Variants in PLCH1 observed in about 807,000 individuals in gnomAD.
The protein encoded by PLCH1 is 1-phosphatidylinositol 4,5-bisphosphate phosphodiesterase eta-1.
PLCH1 carries 60 observed loss-of-function variants against 126.7 expected under a neutral mutation model. That is an observed-to-expected ratio of 0.47 (90% CI 0.38 to 0.59). PLCH1 has a LOEUF of 0.59. PLCH1 is among the 20% of genes least tolerant of loss of function. The pLI is 0.00. For missense variants in PLCH1, 1,723 were observed against 2,040.0 expected, an observed-to-expected ratio of 0.84 and a Z score of 2.99; for synonymous variants, 719 against 734.9, an observed-to-expected ratio of 0.98 and a Z score of 0.35.
chr3:155,670,317 C>CTTG (rs1743279043), intron 2 of PLCH1, among the ~76,000 whole-genome samples: 1 of 151,842 alleles, frequency 6.6e-6, no homozygotes, highest in African/African-American at 2.4e-5. Context: ...GCCTCAGAGC[C>CTTG]CTGCTTGTAT....
rs1727935132 is a variant in PLCH1 at position 155,563,711 on chromosome 3, T to C, written c.1069+1204A>G. 2.0e-5 allele frequency among the ~76,000 whole-genome samples: 3 copies of C among 152,024 alleles called. No homozygotes were observed. In the South Asian group the frequency reaches 6.2e-4, roughly 32 times the overall value. ...TCTTTCTCAACTGCAAATCTGATCATATCACTATAGATATTAAAACCTTTC... is the reference window on the plus strand; with the variant it reads ...TCTTTCTCAACTGCAAATCTGATCACATCACTATAGATATTAAAACCTTTC... On this transcript the variant is annotated intron_variant, in intron 8 of 22. Coordinates refer to ENST00000460012, the MANE Select transcript of PLCH1 (RefSeq NM_014996.4).
intron 2 of PLCH1, among the ~76,000 whole-genome samples, chr3:155,662,866 G>A (rs1742329086): frequency 6.6e-6 from 1 of 152,158 alleles, no homozygotes; most frequent in Admixed American, 6.5e-5. Context: ...GTTTCGCCAT[G>A]TTGGCCAGGC....
At chr3:155,530,329 CTTT>C (rs764111486) in intron 10 of PLCH1, among the ~76,000 whole-genome samples, 1 of 142,800 alleles carries the variant, frequency 7.0e-6, no homozygotes, top group Non-Finnish European at 1.5e-5. Context: ...GGCTCCACTT[CTTT>C]TTTTTTTTTT....
intron 21 of PLCH1, among the ~76,000 whole-genome samples, chr3:155,471,878 A>G (rs955710457): frequency 9.9e-5 from 15 of 152,152 alleles, no homozygotes; most frequent in African/African-American, 3.4e-4. Flanking sequence ...TTTGAAACCA[A>G]CGAGAACAAA....
chr3:155,480,155 T>G lies in PLCH1; in HGVS notation c.*813A>C, dbSNP rs912904502. ...TTTTCAATTTGTGCTACTATTATCA[T>G]TAGAGTCTGATGGAAGTCCCTCATT... On this transcript the variant is annotated 3_prime_UTR_variant, in exon 23 of 23. Coordinates refer to ENST00000460012, the MANE Select transcript of PLCH1 (RefSeq NM_014996.4). 2 of 152,636 alleles carry G rather than the reference T, an allele frequency of 1.3e-5. No homozygotes were observed. The allele number at this position is 152,636 out of a possible 1,614,324, so 9.5% of individuals were successfully genotyped here. A position where few individuals can be genotyped will look rare whatever the true frequency, so the allele number is the denominator to read the frequency against.
At chr3:155,502,600 A>T (rs1382253910) in intron 13 of PLCH1, among the ~76,000 whole-genome samples, 2 of 152,218 alleles carry the variant, frequency 1.3e-5, no homozygotes, top group Non-Finnish European at 2.9e-5. Context: ...AAAATGCAAA[A>T]ATTAGAAATA....
rs183563146 is a variant in PLCH1 at position 155,523,891 on chromosome 3, A to G, written c.1470+6T>C. On this transcript the variant is annotated splice_donor_region_variant and intron_variant, in intron 11 of 22. Transcript: ENST00000460012. The stretch of plus-strand genomic sequence containing the variant: ...GATAAAAAATATGGTCATGCCTGCA[A>G]CTTACATAATGGAGCTTGAATTTGC... The G allele has an allele frequency of 5.0e-4, 757 of 1,523,562 alleles. 3 individuals are homozygous for G. In the African/African-American group the frequency reaches 9.4e-3, roughly 19 times the overall value. The allele number at this position is 1,523,562 out of a possible 1,614,324, so 94.4% of individuals were successfully genotyped here.
At position 155,616,732 on chromosome 3, in the gene PLCH1, G is replaced by T. The variant is rs531950007; in HGVS notation, c.80-20354C>A. ...CCTCAAACTGTCTTTATTGGGTCTT[G>T]TTATTTGGAAAGCTGTCTCCTCTCT... On this transcript the variant is annotated intron_variant, in intron 2 of 22. Transcript: ENST00000460012. Among the ~76,000 whole-genome samples the T allele has an allele frequency of 4.6e-5, 7 of 152,200 alleles. No homozygotes were observed. In the South Asian group the frequency reaches 1.5e-3, roughly 32 times the overall value.
In PLCH1 at chr3:155,482,448, C is replaced by A; in HGVS notation, c.3578G>T (p.Gly1193Val). The change falls in exon 23 of 23, where the codon GGC (glycine) becomes GTC (valine). Residue 1193 changes from glycine to valine, a missense_variant. Physicochemically the swap from Gly to Val is moderately radical, Grantham distance 109. Coordinates refer to ENST00000460012, the MANE Select transcript of PLCH1 (RefSeq NM_014996.4). ...CTGATTGTTGGTCTCATCAAACTGG[C>A]CAATCAGGGCTGAGATGGAACTGCC... Reference protein sequence around the residue: ...EPGSSISALIGQFDETNNQAL... With the variant: ...EPGSSISALIVQFDETNNQAL... The A allele has an allele frequency of 6.2e-7, 1 of 1,614,124 alleles. No homozygotes were observed. The highest frequency in any genetic ancestry group is 8.5e-7 in the Non-Finnish European group (1 of 1,180,020).
chr3:155,668,680 G>A (rs1322187054), intron 2 of PLCH1, among the ~76,000 whole-genome samples: 1 of 152,086 alleles, frequency 6.6e-6, no homozygotes, highest in East Asian at 1.9e-4. Flanking sequence ...ATCACCTGAG[G>A]TCGGGAGTTC....
At chr3:155,720,123 T>TGG (rs1290040168) in intron 1 of PLCH1, among the ~76,000 whole-genome samples, 1 of 152,204 alleles carries the variant, frequency 6.6e-6, no homozygotes, top group Non-Finnish European at 1.5e-5. Flanking sequence ...CATTGATTGA[T>TGG]GGGCATTTGG....
chr3:155,645,468 T>C lies in PLCH1; in HGVS notation c.80-49090A>G, dbSNP rs532148819. On this transcript the variant is annotated intron_variant, in intron 2 of 22. Transcript: ENST00000460012. ...TCACTAGTCATGAAGGAAGGAGTTA[T>C]TTGTTGTTGCTTTTTGGTTTTTGTT... Among the ~76,000 whole-genome samples, 9 of 152,190 alleles carry C rather than the reference T, an allele frequency of 5.9e-5. No homozygotes were observed. In the East Asian group the frequency reaches 1.4e-3, roughly 23 times the overall value.
intron 2 of PLCH1, among the ~76,000 whole-genome samples, chr3:155,669,048 T>A (rs886630539): frequency 3.3e-5 from 5 of 152,084 alleles, no homozygotes; most frequent in African/African-American, 1.2e-4. Flanking sequence ...ATGTACTACA[T>A]GTACTGACAT....
chr3:155,566,038 T>A (rs902918256), intron 7 of PLCH1, among the ~76,000 whole-genome samples: 23 of 148,232 alleles, frequency 1.6e-4, no homozygotes, highest in Non-Finnish European at 3.3e-4. Flanking sequence ...CCTAATACAG[T>A]CAAATAGACA....
In PLCH1 at chr3:155,458,391, AAGGAAGGAAGGAAGGAAGGAAG is replaced by A. The variant is rs1712527939; in HGVS notation, c.2938+26943_2938+26964del. ...AGAAGAAAGAAAGAAAGAAAGAAGG[AAGGAAGGAAGGAAGGAAGGAAG>A]GAAGGAAGGAAGGAAGGAAGGAAGG... On this transcript the variant is annotated intron_variant, in intron 21 of 21. Coordinates refer to the PLCH1 transcript ENST00000494598. 6.2e-4 allele frequency among the ~76,000 whole-genome samples: 15 copies of A among 24,374 alleles called. 1 individual carries two copies. The highest frequency in any genetic ancestry group is 2.6e-3 in the African/African-American group (10 of 3,836). 16.0% of individuals were successfully genotyped at this position (24,374 alleles called of 152,430 possible).
chr3:155,598,439 A>T (rs1446680332), intron 2 of PLCH1, among the ~76,000 whole-genome samples: 2 of 152,234 alleles, frequency 1.3e-5, no homozygotes, highest in Non-Finnish European at 2.9e-5. Context: ...AGCCTATTAG[A>T]ACTTCACTGA....
intron 4 of PLCH1, among the ~76,000 whole-genome samples, chr3:155,592,492 C>CACTCCG (rs57026530): frequency 1.6e-4 from 18 of 109,874 alleles, no homozygotes; most frequent in Admixed American, 2.8e-4. Flanking sequence ...AAGACTCCAT[C>CACTCCG]TCCAAAAAAA....
chr3:155,599,730 C>T (rs114399632), intron 2 of PLCH1, among the ~76,000 whole-genome samples: 4 of 151,864 alleles, frequency 2.6e-5, no homozygotes, highest in African/African-American at 7.3e-5. Flanking sequence ...AAATTGTTTA[C>T]GCCAGAGTGG....
chr3:155,464,832 C>T (rs900780500), intron 21 of PLCH1, among the ~76,000 whole-genome samples: 2 of 152,134 alleles, frequency 1.3e-5, no homozygotes, highest in African/African-American at 4.8e-5. Context: ...GAGTGACAGC[C>T]GGGCACGGTG....
Sources: allele counts gnomAD v4.1 joint callset (sites outside exome capture counted in the v4.1 genomes callset), GRCh38; gene constraint gnomAD v4.1.1; transcripts MANE v1.5; gene names NCBI Gene and HGNC (gene_info 2026-07-23, HGNC 2026-07-21).